Variants in PKLR observed in about 807,000 individuals in gnomAD.
The protein encoded by PKLR is pyruvate kinase PKLR.
PKLR carries 38 observed loss-of-function variants against 53.6 expected under a neutral mutation model. The ratio of observed to expected loss-of-function variants is 0.71; its 90% confidence interval spans 0.55 to 0.93. The LOEUF is 0.93. Among genes scored for constraint, PKLR ranks in the 40% least tolerant of loss-of-function variants. The pLI, the probability that PKLR is intolerant of heterozygous loss-of-function variation, is 0.00. For synonymous variants in PKLR, 328 were observed against 316.2 expected (o/e 1.04, Z -0.39); for missense variants, 702 against 787.3 (o/e 0.89, Z 1.30).
Position 155,301,371 on chromosome 1 carries a change from A to G in PKLR, c.25T>C (p.Ser9Pro). 3 of 1,613,922 alleles carry G rather than the reference A, an allele frequency of 1.9e-6. No homozygotes were observed. Among genetic ancestry groups the G allele is most frequent in the Non-Finnish European group, 1.7e-6 (2 of 1,179,874 alleles). Residue 9 changes from serine to proline, a missense_variant, in exon 1 of 11, where the codon TCC becomes CCC. Around this residue, in one of 2 missense-constraint regions of PKLR, gnomAD observed 519 missense variants for 537.1 expected, o/e 0.97. Coordinates refer to ENST00000342741, the MANE Select transcript of PKLR (RefSeq NM_000298.6). ...GAGACCCATGACCGAAGCTGCAGGG[A>G]TGATATGTTCTCCTGGATCGACATG... MSIQENIS[S>P]LQLRSWVSKS... is the part of the protein sequence containing the mutation.
rs1469315447 is a variant in PKLR at position 155,295,011 on chromosome 1, G to T, written c.694+105C>A. On this transcript the variant is annotated intron_variant, in intron 5 of 10. Transcript: ENST00000342741. This position sits in a 1 kb window ranked among gnomAD's most constrained non-coding sequence, Gnocchi z 4.3. ...TCCTGGGACGGGCTGGCAAAAACGCGTGGCCAGGGGAAGGTGTGATCGGTC... is the reference window on the plus strand; with the variant it reads ...TCCTGGGACGGGCTGGCAAAAACGCTTGGCCAGGGGAAGGTGTGATCGGTC... The T allele has an allele frequency of 1.5e-6, 2 of 1,321,656 alleles. No individual in the cohort carries two copies. The highest frequency in any genetic ancestry group is 2.1e-6 in the Non-Finnish European group (2 of 936,498). The allele number at this position is 1,321,656 out of a possible 1,614,324, so 81.9% of individuals were successfully genotyped here. A position where few individuals can be genotyped will look rare whatever the true frequency, so the allele number is the denominator to read the frequency against.
At chr1:155,294,874 C>A in intron 5 of PKLR, 122 bp from the exon 6 acceptor site, 1 of 1,313,394 alleles carries the variant, frequency 7.6e-7, no homozygotes, top group Non-Finnish European at 1.1e-6. Flanking sequence ...ATCTCTCCGC[C>A]CTTGTTCTGG....
intron 2 of PKLR, among the ~76,000 whole-genome samples, chr1:155,298,627 T>A (rs1161451797): frequency 4.1e-5 from 6 of 146,574 alleles, no homozygotes; most frequent in Middle Eastern, 8.5e-3. Context: ...GCGCCCAGCT[T>A]TTTTTTCTTT....
upstream of PKLR, among the ~76,000 whole-genome samples, chr1:155,301,746 G>A (rs918753571): frequency 6.6e-6 from 1 of 152,098 alleles, no homozygotes; most frequent in African/African-American, 2.4e-5. Flanking sequence ...GCTGGAGCCT[G>A]AAGAAAGACA....
At chr1:155,297,976 C>T (rs768498109) in intron 2 of PKLR, among the ~76,000 whole-genome samples, 25 of 152,188 alleles carry the variant, frequency 1.6e-4, no homozygotes, top group Non-Finnish European at 3.7e-4. Flanking sequence ...TCTTCACCCT[C>T]GTACTCCTGA....
chr1:155,297,977 G>A (rs982971345), intron 2 of PKLR, among the ~76,000 whole-genome samples: 6 of 151,962 alleles, frequency 3.9e-5, no homozygotes, highest in East Asian at 1.9e-4. Context: ...CTTCACCCTC[G>A]TACTCCTGAT....
chr1:155,305,694 A>G (rs962176554), upstream of PKLR, among the ~76,000 whole-genome samples: 1 of 151,922 alleles, frequency 6.6e-6, no homozygotes, highest in Non-Finnish European at 1.5e-5. Flanking sequence ...CAGTATCATG[A>G]TCTCTGCTCA....
At chr1:155,307,209 A>T in the PKLR span, among the ~76,000 whole-genome samples, 1 of 152,204 alleles carries the variant, frequency 6.6e-6, no homozygotes, top group Non-Finnish European at 1.5e-5. Flanking sequence ...CACTGCACCC[A>T]GCCGTGTTTT....
chr1:155,293,578 T>C lies in PKLR; in HGVS notation c.1129A>G (p.Met377Val). ...VVCATQMLES[M>V]ITKPRPTRAE... is the part of the protein sequence containing the mutation. ...CTCGTTGGCCGGGGCTTGGTAATCA[T>C]GCTCTCCAGCATCTGGGGGACAGCG... Residue 377 changes from methionine (M) to valine (V), a missense_variant, in exon 8 of 11, where the codon ATG (methionine) becomes GTG (valine). Coordinates refer to ENST00000342741, the MANE Select transcript of PKLR (RefSeq NM_000298.6). This position sits in a 1 kb window ranked among gnomAD's most constrained non-coding sequence, Gnocchi z 4.2. The C allele has an allele frequency of 1.2e-6, 2 of 1,614,174 alleles. No homozygotes were observed. Among genetic ancestry groups the C allele is most frequent in the Non-Finnish European group, 1.7e-6 (2 of 1,180,034 alleles).
At chr1:155,292,918 G>A (rs569665410) in intron 9 of PKLR, among the ~76,000 whole-genome samples, 7 of 152,122 alleles carry the variant, frequency 4.6e-5, no homozygotes, top group Non-Finnish European at 1.0e-4. Context: ...TCTGTGGGCC[G>A]AATGGACTTG....
chr1:155,293,448 A>G lies in PKLR; in HGVS notation c.1259T>C (p.Met420Thr). Residue 420 changes from methionine (M) to threonine (T), a missense_variant, in exon 8 of 11, where the codon ATG becomes ACG. Physicochemically the swap from Met to Thr is moderately conservative, Grantham distance 81. Coordinates refer to ENST00000342741, the MANE Select transcript of PKLR (RefSeq NM_000298.6). This position sits in a 1 kb window ranked among gnomAD's most constrained non-coding sequence, Gnocchi z 4.2. ...KGNFPVEAVK[M>T]QHAIAREAEA... ...ATTCTGAGCTCCTACCGCATGCTGC[A>G]TCTTCACCGCTTCCACAGGGAAGTT... is the stretch of plus-strand genomic sequence containing the variant. The G allele has an allele frequency of 6.2e-7, 1 of 1,614,220 alleles. No individual in the cohort carries two copies. The highest frequency in any genetic ancestry group is 2.2e-5 in the East Asian group (1 of 44,882).
chr1:155,294,783 A>T, intron 5 of PKLR, 31 bp from the exon 6 acceptor site: 1 of 1,613,112 alleles, frequency 6.2e-7, no homozygotes, highest in Non-Finnish European at 8.5e-7. Context: ...AGCTGCGGTC[A>T]GGGGTGAGGA....
chr1:155,292,624 G>A (rs1048317095), intron 9 of PKLR, among the ~76,000 whole-genome samples: 31 of 152,106 alleles, frequency 2.0e-4, no homozygotes, highest in African/African-American at 5.6e-4. Context: ...GCAACAGAGC[G>A]AGCTGCCGTT....
At chr1:155,302,929 T>C (rs1367529170), upstream of PKLR, among the ~76,000 whole-genome samples, 1 of 152,216 alleles carries the variant, frequency 6.6e-6, no homozygotes, top group East Asian at 1.9e-4. Context: ...TGTCACTCTG[T>C]TGCCCAGGTT....
intron 2 of PKLR, among the ~76,000 whole-genome samples, chr1:155,298,876 C>T (rs1361003847): frequency 6.6e-6 from 1 of 152,148 alleles, no homozygotes; most frequent in African/African-American, 2.4e-5. Context: ...CCCCTGACCT[C>T]AGGTGATCCA....
chr1:155,305,619 T>C (rs1374044638), upstream of PKLR, among the ~76,000 whole-genome samples: 1 of 152,114 alleles, frequency 6.6e-6, no homozygotes, highest in African/African-American at 2.4e-5. Flanking sequence ...CATGGGACTT[T>C]AAGGATGGTC....
At chr1:155,299,026 CTTTCTTTCTCTT>C (rs1320856556) in intron 2 of PKLR, among the ~76,000 whole-genome samples, 15 of 92,440 alleles carry the variant, frequency 1.6e-4, no homozygotes, top group East Asian at 8.4e-4. Context: ...TTCTTTCTTT[CTTTCTTTCTCTT>C]TCTTTCTTTC....
chr1:155,299,034 C>CTTTCTCTT (rs760148639), intron 2 of PKLR, among the ~76,000 whole-genome samples: 1 of 60,980 alleles, frequency 1.6e-5, no homozygotes, highest in African/African-American at 9.2e-5. Context: ...TTCTTTCTTT[C>CTTTCTCTT]TCTTTCTTTC....
intron 7 of PKLR, 137 bp downstream of exon 7, chr1:155,294,098 A>G (rs112123492): frequency 2.0e-6 from 2 of 992,910 alleles, no homozygotes; most frequent in African/African-American, 1.6e-5. Context: ...GCGCCACTGC[A>G]CTCCAGCCTG....
Sources: gnomAD v4.1 joint callset for allele counts (sites outside exome capture counted in the v4.1 genomes callset) on GRCh38, gnomAD v4.1.1 for gene constraint, gnomAD v4.1.1 regional missense constraint, Gnocchi (gnomAD v3.1) non-coding constraint, MANE v1.5 for transcripts, NCBI Gene and HGNC (gene_info 2026-07-23, HGNC 2026-07-21) for gene names.